Variants in FSTL5 observed in about 807,000 individuals in gnomAD.
The protein encoded by FSTL5 is follistatin-related protein 5.
FSTL5 carries 62 observed loss-of-function variants against 89.1 expected under a neutral mutation model. That is an observed-to-expected ratio of 0.70 (90% CI 0.57 to 0.86). FSTL5 has a LOEUF of 0.86. FSTL5 is among the 40% of genes least tolerant of loss of function. The pLI, the probability that FSTL5 is intolerant of heterozygous loss-of-function variation, is 0.00. For synonymous variants in FSTL5, 383 were observed against 346.2 expected (o/e 1.11, Z -1.18); for missense variants, 1,057 against 1,001.6 (o/e 1.06, Z -0.75).
At chr4:161,937,012 T>C (rs1734451843) in intron 3 of FSTL5, among the ~76,000 whole-genome samples, 1 of 152,168 alleles carries the variant, frequency 6.6e-6, no homozygotes, top group Non-Finnish European at 1.5e-5. Flanking sequence ...TCAATGTCCT[T>C]TTCTTAATCA....
intron 4 of FSTL5, among the ~76,000 whole-genome samples, chr4:161,870,251 G>A (rs1453968878): frequency 6.6e-6 from 1 of 152,064 alleles, no homozygotes; most frequent in Non-Finnish European, 1.5e-5. Flanking sequence ...TTGTTCTTCT[G>A]CTTTGCTTTT....
At chr4:161,961,593 T>C (rs1382899268) in intron 3 of FSTL5, among the ~76,000 whole-genome samples, 1 of 151,348 alleles carries the variant, frequency 6.6e-6, no homozygotes, top group African/African-American at 2.4e-5. Flanking sequence ...TGAAGAGCAT[T>C]CTTTCTTTAT....
At chr4:161,678,288 C>A (rs1326060615) in intron 6 of FSTL5, among the ~76,000 whole-genome samples, 4 of 151,598 alleles carry the variant, frequency 2.6e-5, no homozygotes, top group Non-Finnish European at 5.9e-5. Flanking sequence ...TTATAGAAAA[C>A]AATTAAATTA....
At chr4:161,797,075 T>C (rs1410091239) in intron 4 of FSTL5, among the ~76,000 whole-genome samples, 1 of 151,678 alleles carries the variant, frequency 6.6e-6, no homozygotes, top group Non-Finnish European at 1.5e-5. Flanking sequence ...ATTTCTATAT[T>C]ATTGTTAATT....
At chr4:161,437,108 T>C (rs1211658130) in intron 15 of FSTL5, among the ~76,000 whole-genome samples, 2 of 151,994 alleles carry the variant, frequency 1.3e-5, no homozygotes, top group Admixed American at 6.6e-5. Context: ...ATTGGAGGCA[T>C]TGGAATAGGT....
At chr4:161,433,118 TAA>T (rs55646334) in intron 15 of FSTL5, among the ~76,000 whole-genome samples, 37,114 of 146,692 alleles carry the variant, frequency 0.25, 4,700 homozygotes, top group South Asian at 0.3. Flanking sequence ...AAAGACACAT[TAA>T]AAAAAAAAAA....
chr4:162,010,718 G>A (rs1430661660), intron 3 of FSTL5, among the ~76,000 whole-genome samples: 2 of 152,126 alleles, frequency 1.3e-5, no homozygotes, highest in Admixed American at 1.3e-4. Context: ...CTTGCGTTTG[G>A]CTTCTTTCAC....
chr4:161,477,427 T>G (rs1336266989), intron 13 of FSTL5, among the ~76,000 whole-genome samples: 2 of 150,110 alleles, frequency 1.3e-5, no homozygotes, highest in South Asian at 4.2e-4. Context: ...TATAAATTAT[T>G]AATTATTATA....
At chr4:161,622,559 A>G (rs1045003843) in intron 7 of FSTL5, among the ~76,000 whole-genome samples, 20 of 150,912 alleles carry the variant, frequency 1.3e-4, no homozygotes, top group Middle Eastern at 3.5e-3. Flanking sequence ...ACATATGTGT[A>G]TATATATATA....
chr4:161,803,683 T>C (rs996049641), intron 4 of FSTL5, among the ~76,000 whole-genome samples: 3 of 152,014 alleles, frequency 2.0e-5, no homozygotes, highest in African/African-American at 7.2e-5. Flanking sequence ...TGTTTTTCTA[T>C]ATGTAAAGAT....
intron 3 of FSTL5, among the ~76,000 whole-genome samples, chr4:161,980,247 G>GAAAGAAGA (rs1425843043): frequency 2.4e-5 from 3 of 126,644 alleles, no homozygotes; most frequent in East Asian, 2.3e-4. Flanking sequence ...AAGAAAGGAA[G>GAAAGAAGA]AAGGAAGAAA....
Position 161,901,670 on chromosome 4 carries a change from A to C in FSTL5, c.409+18734T>G, listed in dbSNP as rs552530499. Among the ~76,000 whole-genome samples the C allele has an allele frequency of 2.4e-4, 37 of 152,284 alleles. 1 individual carries two copies. In the South Asian group the frequency reaches 7.1e-3, roughly 29 times the overall value. Reference sequence around the variant, plus strand: ...GGGTTTAGGCCGGGCATGGTGGCTCACACCTGTAATCCTAGCACTTTGGGA... The same window carrying C: ...GGGTTTAGGCCGGGCATGGTGGCTCCCACCTGTAATCCTAGCACTTTGGGA... On this transcript the variant is annotated intron_variant, in intron 4 of 15. Coordinates refer to ENST00000306100, the MANE Select transcript of FSTL5 (RefSeq NM_020116.5).
intron 12 of FSTL5, among the ~76,000 whole-genome samples, chr4:161,493,300 G>A (rs947791319): frequency 2.0e-4 from 30 of 151,452 alleles, no homozygotes; most frequent in Admixed American, 1.6e-3. Flanking sequence ...AGAAGAACAC[G>A]AACAGATAAT....
chr4:161,585,178 CG>C (rs1225384560), intron 8 of FSTL5, among the ~76,000 whole-genome samples: 5 of 152,118 alleles, frequency 3.3e-5, no homozygotes, highest in African/African-American at 1.2e-4. Flanking sequence ...AACATAAAGC[CG>C]GCAGTTTGGC....
intron 7 of FSTL5, among the ~76,000 whole-genome samples, chr4:161,603,967 T>C (rs910600536): frequency 6.6e-6 from 1 of 152,106 alleles, no homozygotes; most frequent in Non-Finnish European, 1.5e-5. Flanking sequence ...ATCAATCAAT[T>C]AATTAATTGT....
intron 12 of FSTL5, among the ~76,000 whole-genome samples, chr4:161,487,146 G>A (rs1729708412): frequency 6.6e-6 from 1 of 152,086 alleles, no homozygotes; most frequent in African/African-American, 2.4e-5. Context: ...CAATTAAAAT[G>A]TTAGCCTTTG....
intron 4 of FSTL5, among the ~76,000 whole-genome samples, chr4:161,777,070 C>G (rs1309228977): frequency 6.6e-6 from 1 of 151,976 alleles, no homozygotes; most frequent in African/African-American, 2.4e-5. Context: ...TCACTTTACT[C>G]TACAGCCATG....
intron 2 of FSTL5, among the ~76,000 whole-genome samples, chr4:162,041,086 G>A (rs187567425): frequency 6.6e-6 from 1 of 150,686 alleles, no homozygotes; most frequent in East Asian, 2.0e-4. Flanking sequence ...GTGGAATTAT[G>A]TATCAAATCT....
At chr4:161,517,140 C>T (rs1262260042) in intron 10 of FSTL5, among the ~76,000 whole-genome samples, 2 of 152,098 alleles carry the variant, frequency 1.3e-5, no homozygotes, top group South Asian at 2.1e-4. Context: ...CTGCCTGCCT[C>T]GGCTTCCCAA....
Sources: gnomAD v4.1 joint callset for allele counts (sites outside exome capture counted in the v4.1 genomes callset) on GRCh38, gnomAD v4.1.1 for gene constraint, MANE v1.5 for transcripts, NCBI Gene and HGNC (gene_info 2026-07-23, HGNC 2026-07-21) for gene names.